The following CINP variants were observed in gnomAD, a reference collection of about 807,000 sequenced individuals.
The protein encoded by CINP is cyclin-dependent kinase 2-interacting protein.
CINP carries 11 observed loss-of-function variants against 20.5 expected under a neutral mutation model. That is an observed-to-expected ratio of 0.54 (90% confidence interval 0.34 to 0.89). CINP has a LOEUF of 0.89. Ranked by LOEUF, CINP falls within the 40% of genes least tolerant of loss-of-function variation. The pLI, the probability that CINP is intolerant of heterozygous loss-of-function variation, is 0.02. For missense variants in CINP, 213 were observed against 251.0 expected (o/e 0.85, Z 1.02); for synonymous variants, 108 against 102.1 (o/e 1.06, Z -0.35).
intron 3 of CINP, chr14:102,355,554 A>T (rs1886979545): frequency 2.0e-6 from 1 of 505,670 alleles, no homozygotes; most frequent in Non-Finnish European, 3.4e-6. Flanking sequence ...ATGAGCCCTG[A>T]AAGTGGGTGA....
intron 1 of CINP, among the ~76,000 whole-genome samples, chr14:102,360,522 C>A (rs955314763): frequency 6.6e-5 from 10 of 152,250 alleles, no homozygotes; most frequent in African/African-American, 2.4e-4. Flanking sequence ...GAAGACCACA[C>A]TGCCTGCGTC....
At position 102,359,603 on chromosome 14, in the gene CINP, A is replaced by AGAAACAAAAT. The variant is rs973090009; in HGVS notation, c.8-26_8-17dup. The AGAAACAAAAT allele has an allele frequency of 3.6e-5, 57 of 1,585,656 alleles. No individual in the cohort carries two copies. The highest frequency in any genetic ancestry group is 4.9e-5 in the Non-Finnish European group (57 of 1,164,824). ...AGAGTCTTTGCTGATAGGGTATAAA[A>AGAAACAAAAT]GAAACAAAATTATTATCATGGAATA... On this transcript the variant is annotated splice_polypyrimidine_tract_variant and intron_variant, in intron 1 of 4. Transcript: ENST00000216756.
At chr14:102,350,083 T>C (rs1425812509) in intron 3 of CINP, 35 bp from the exon 4 acceptor site, 1 of 1,570,102 alleles carries the variant, frequency 6.4e-7, no homozygotes, top group East Asian at 2.2e-5. Context: ...GATAATATTA[T>C]TTGAAATCTC....
In CINP at chr14:102,348,592, T is replaced by C. The variant is rs371010127; in HGVS notation, c.604A>G (p.Ser202Gly). Residue 202 changes from serine (S) to glycine (G), a missense_variant, in exon 5 of 5, where the codon AGC becomes GGC. Physicochemically the swap from Ser to Gly is moderately conservative, Grantham distance 56. Transcript: ENST00000216756. The stretch of plus-strand genomic sequence containing the variant: ...CGGTGGCCTGTCTCCAGCAGCATGC[T>C]CTCCAGATGCAGCCTGCTGTCGCTC... Reference protein sequence around the residue: ...VESDSRLHLESMLLETGHRAL With the variant: ...VESDSRLHLEGMLLETGHRAL The C allele has an allele frequency of 6.2e-7, 1 of 1,613,152 alleles. No individual in the cohort carries two copies. The highest frequency in any genetic ancestry group is 8.5e-7 in the Non-Finnish European group (1 of 1,179,798).
intron 3 of CINP, among the ~76,000 whole-genome samples, chr14:102,354,868 G>C (rs1284812728): frequency 6.6e-6 from 1 of 152,042 alleles, no homozygotes; most frequent in Non-Finnish European, 1.5e-5. Flanking sequence ...TCAGGAGTTC[G>C]AGACCAGCCT....
chr14:102,350,928 C>T (rs1169177481), intron 3 of CINP, among the ~76,000 whole-genome samples: 2 of 150,618 alleles, frequency 1.3e-5, no homozygotes, highest in African/African-American at 2.4e-5. Flanking sequence ...CTGGTTCAAG[C>T]GATTCTCCTG....
At position 102,359,493 on chromosome 14, in the gene CINP, G is replaced by A; in HGVS notation, c.102C>T (p.Ile34=). Reference sequence around the variant, plus strand: ...CATCATTGAGGGTTTCCCACTTCAGGATTAAATTGTGCCAATCAGCCGCAT... The same window carrying A: ...CATCATTGAGGGTTTCCCACTTCAGAATTAAATTGTGCCAATCAGCCGCAT... ...KDNAADWHNL[I]LKWETLNDAG... Residue 34 remains isoleucine, a synonymous_variant, in exon 2 of 5, where the codon ATC becomes ATT. Coordinates refer to ENST00000216756, the MANE Select transcript of CINP (RefSeq NM_032630.3). 6.2e-7 allele frequency: 1 copy of A among 1,613,028 alleles called. No individual in the cohort carries two copies. Among genetic ancestry groups the A allele is most frequent in the Non-Finnish European group, 8.5e-7 (1 of 1,179,438 alleles).
At chr14:102,359,924 C>A (rs1310260502) in intron 1 of CINP, among the ~76,000 whole-genome samples, 1 of 152,194 alleles carries the variant, frequency 6.6e-6, no homozygotes, top group Non-Finnish European at 1.5e-5. Context: ...GCTCACGTTC[C>A]CTTCCCTACA....
chr14:102,360,517 C>A (rs1394508221), intron 1 of CINP, among the ~76,000 whole-genome samples: 1 of 152,204 alleles, frequency 6.6e-6, no homozygotes, highest in Non-Finnish European at 1.5e-5. Flanking sequence ...AGTCAGAAGA[C>A]CACACTGCCT....
chr14:102,362,764 CT>C, intron 1 of CINP, 80 bp downstream of exon 1: 1 of 1,579,668 alleles, frequency 6.3e-7, no homozygotes, highest in Non-Finnish European at 8.7e-7. Context: ...CGGGGAGCTC[CT>C]GAGCTTCTGG....
chr14:102,352,498 T>G (rs1002050513), intron 3 of CINP: 1 of 455,934 alleles, frequency 2.2e-6, no homozygotes, highest in South Asian at 1.5e-5. Flanking sequence ...GAACGGTGCA[T>G]GAAACCCCCA....
At chr14:102,359,320 C>CT (rs992032863) in intron 2 of CINP, 99 bp downstream of exon 2, 9 of 838,670 alleles carry the variant, frequency 1.1e-5, no homozygotes, top group African/African-American at 1.8e-5. Context: ...TTACCACTTG[C>CT]TTTTTTTGCT....
intron 2 of CINP, among the ~76,000 whole-genome samples, chr14:102,357,566 G>A (rs941020392): frequency 7.9e-5 from 12 of 152,130 alleles, no homozygotes; most frequent in African/African-American, 2.9e-4. Flanking sequence ...GAGTGGTCTG[G>A]ATAGAAGATC....
intron 2 of CINP, among the ~76,000 whole-genome samples, 192 bp downstream of exon 2, chr14:102,359,227 A>AAAATATATATATATATATAT (rs1887072933): frequency 5.2e-5 from 6 of 115,432 alleles, no homozygotes; most frequent in Admixed American, 8.9e-5. Flanking sequence ...TAAATAACTA[A>AAAATATATATATATATATAT]ATATATATAT....
intron 3 of CINP, among the ~76,000 whole-genome samples, chr14:102,352,177 C>T (rs1183303850): frequency 2.0e-5 from 3 of 152,182 alleles, no homozygotes; most frequent in East Asian, 1.9e-4. Flanking sequence ...TGAGCCACCG[C>T]GCCCAGCCGA....
At chr14:102,355,205 G>T (rs973109576) in intron 3 of CINP, among the ~76,000 whole-genome samples, 1 of 152,074 alleles carries the variant, frequency 6.6e-6, no homozygotes, top group Non-Finnish European at 1.5e-5. Context: ...GAGACTGGCT[G>T]GCCCTGGAAG....
Position 102,348,311 on chromosome 14 carries a change from T to C in CINP, c.*246A>G, listed in dbSNP as rs2139622498. Reference sequence around the variant, plus strand: ...GCTCAGAAACTCATTGATTTTACTCTGAAGCACCCACGAATGACAGATTCC... The same window carrying C: ...GCTCAGAAACTCATTGATTTTACTCCGAAGCACCCACGAATGACAGATTCC... On this transcript the variant is annotated 3_prime_UTR_variant, in exon 5 of 5. Transcript: ENST00000216756. 1 of 538,580 alleles carries C rather than the reference T, an allele frequency of 1.9e-6. No individual in the cohort carries two copies. The highest frequency in any genetic ancestry group is 3.3e-6 in the Non-Finnish European group (1 of 300,432). The allele number at this position is 538,580 out of a possible 1,614,324, so 33.4% of individuals were successfully genotyped here. A position where few individuals can be genotyped will look rare whatever the true frequency, so the allele number is the denominator to read the frequency against.
intron 4 of CINP, 146 bp downstream of exon 4, chr14:102,349,773 A>G: frequency 1.0e-6 from 1 of 953,352 alleles, no homozygotes; most frequent in East Asian, 2.5e-5. Context: ...AGAAATGTTT[A>G]AGATGCCTCT....
intron 2 of CINP, among the ~76,000 whole-genome samples, chr14:102,356,765 T>C (rs754266483): frequency 6.6e-6 from 1 of 152,212 alleles, no homozygotes; most frequent in Non-Finnish European, 1.5e-5. Context: ...TCTTTGATAT[T>C]GCTAGTTTAA....
Sources: gnomAD v4.1 joint callset for allele counts (sites outside exome capture counted in the v4.1 genomes callset) on GRCh38, gnomAD v4.1.1 for gene constraint, MANE v1.5 for transcripts, NCBI Gene and HGNC (gene_info 2026-07-23, HGNC 2026-07-21) for gene names.